Variants in LRRN3 observed in about 807,000 individuals in gnomAD.
LRRN3 encodes the protein leucine rich repeat neuronal 3, also known as leucine-rich repeat neuronal protein 3.
LRRN3 carries 15 observed loss-of-function variants against 40.1 expected under a neutral mutation model. The ratio of observed to expected loss-of-function variants is 0.37; its 90% CI spans 0.25 to 0.58. The LOEUF is 0.58. LRRN3 is among the 20% of genes least tolerant of loss of function. LRRN3 has a pLI of 0.72. For missense variants in LRRN3, 746 were observed against 837.7 expected, an observed-to-expected ratio of 0.89 and a Z score of 1.35; for synonymous variants, 308 against 297.2, an observed-to-expected ratio of 1.04 and a Z score of -0.37.
chr7:111,096,241 G>A (rs546085481), intron 1 of LRRN3, among the ~76,000 whole-genome samples: 1 of 151,984 alleles, frequency 6.6e-6, no homozygotes, highest in Admixed American at 6.6e-5. Context: ...GAGGTTCTGT[G>A]AGGTTAGAGA....
chr7:111,123,006 T>A lies in LRRN3; in HGVS notation c.234T>A (p.Thr78=), dbSNP rs1800838217. The A allele has an allele frequency of 6.2e-7, 1 of 1,613,958 alleles. No homozygotes were observed. Among genetic ancestry groups the A allele is most frequent in the Non-Finnish European group, 8.5e-7 (1 of 1,179,918 alleles). ...ACACACAGATTCTTCTCCTACAGAC[T>A]AACAATATTGCAAAAATTGAATACT... The part of the protein sequence containing the change: ...PANTQILLLQ[T]NNIAKIEYST... Residue 78 remains threonine (T), a synonymous_variant, in exon 3 of 3, where the codon ACT becomes ACA. Transcript: ENST00000308478. This position sits in a 1 kb window ranked among gnomAD's most constrained non-coding sequence, Gnocchi z 6.4.
chr7:111,111,947 T>TTG (rs1563254681), intron 2 of LRRN3, among the ~76,000 whole-genome samples: 1 of 131,280 alleles, frequency 7.6e-6, no homozygotes, highest in African/African-American at 2.9e-5. Flanking sequence ...AGTTTGTTTT[T>TTG]TTTTTTTTTT....
At chr7:111,118,211 T>C (rs532516775) in intron 2 of LRRN3, among the ~76,000 whole-genome samples, 1 of 152,236 alleles carries the variant, frequency 6.6e-6, no homozygotes, top group South Asian at 2.1e-4. Context: ...ATATTTTATC[T>C]TATTTATTGC....
chr7:111,123,719 C>T lies in LRRN3; in HGVS notation c.947C>T (p.Ala316Val), dbSNP rs1010466126. The part of the protein sequence containing the change: ...DNLPDLRKIE[A>V]TNNPRLSYIH... ...CTGCCAGATTTAAGAAAAATAGAAG[C>T]TACTAACAACCCTAGATTGTCTTAC... Residue 316 changes from alanine to valine, a missense_variant, in exon 3 of 3, where the codon GCT becomes GTT. By Grantham distance (64) the Ala-to-Val change is moderately conservative. Coordinates refer to ENST00000308478, the MANE Select transcript of LRRN3 (RefSeq NM_001099658.2). This position sits in a 1 kb window ranked among gnomAD's most constrained non-coding sequence, Gnocchi z 6.4. The T allele has an allele frequency of 6.2e-7, 1 of 1,613,732 alleles. No individual in the cohort carries two copies.
chr7:111,102,096 T>A (rs74545312), intron 2 of LRRN3, among the ~76,000 whole-genome samples: 11 of 149,522 alleles, frequency 7.4e-5, no homozygotes, highest in East Asian at 5.9e-4. Context: ...AAAAAAAAAA[T>A]GAGTCAGAAT....
chr7:111,123,497 C>G lies in LRRN3; in HGVS notation c.725C>G (p.Ser242Cys). ...LVGLENLESI[S>C]FYDNRLIKVP... ...GGACTGGAAAACTTAGAAAGCATCT[C>G]TTTTTACGATAACAGGCTTATTAAA... The change falls in exon 3 of 3, where the codon TCT (serine) becomes TGT (cysteine). Residue 242 changes from serine (S) to cysteine (C), a missense_variant. Physicochemically the swap from Ser to Cys is moderately radical, Grantham distance 112. Coordinates refer to ENST00000308478, the MANE Select transcript of LRRN3 (RefSeq NM_001099658.2). This position sits in a 1 kb window ranked among gnomAD's most constrained non-coding sequence, Gnocchi z 6.4. The G allele has an allele frequency of 6.2e-7, 1 of 1,613,836 alleles. No individual in the cohort carries two copies. The highest frequency in any genetic ancestry group is 1.7e-5 in the Admixed American group (1 of 59,934).
At chr7:111,101,305 A>T (rs1586267141) in intron 2 of LRRN3, among the ~76,000 whole-genome samples, 2 of 151,590 alleles carry the variant, frequency 1.3e-5, no homozygotes, top group East Asian at 3.9e-4. Context: ...ATTGAACAGA[A>T]CCTTGGCATA....
intron 2 of LRRN3, among the ~76,000 whole-genome samples, chr7:111,102,578 T>G (rs918873658): frequency 1.3e-5 from 2 of 151,594 alleles, no homozygotes; most frequent in Admixed American, 6.6e-5. Flanking sequence ...TTATTTTGTT[T>G]TGTTTAAATC....
At position 111,123,232 on chromosome 7, in the gene LRRN3, A is replaced by G. The variant is rs1160497243; in HGVS notation, c.460A>G (p.Thr154Ala). The G allele has an allele frequency of 3.7e-6, 6 of 1,613,882 alleles. No homozygotes were observed. The highest frequency in any genetic ancestry group is 3.3e-5 in the Admixed American group (2 of 59,934). The change falls in exon 3 of 3, where the codon ACA becomes GCA. Residue 154 changes from threonine (T) to alanine (A), a missense_variant. Transcript: ENST00000308478. The surrounding 1 kb of genome is among the most constrained non-coding windows in gnomAD (Gnocchi z 6.4). Reference protein sequence around the residue: ...ELYINHNLLSTISPGAFIGLH... With the variant: ...ELYINHNLLSAISPGAFIGLH... The stretch of plus-strand genomic sequence containing the variant: ...CTATATTAATCACAACTTGCTTTCT[A>G]CAATTTCACCTGGAGCCTTTATTGG...
At chr7:111,105,812 A>C (rs1208975633) in intron 2 of LRRN3, among the ~76,000 whole-genome samples, 1 of 151,958 alleles carries the variant, frequency 6.6e-6, no homozygotes, top group East Asian at 1.9e-4. Flanking sequence ...GCCTATATCT[A>C]GTCACATGAA....
chr7:111,111,342 T>C (rs1361461923), intron 2 of LRRN3, among the ~76,000 whole-genome samples: 1 of 143,558 alleles, frequency 7.0e-6, no homozygotes, highest in Non-Finnish European at 1.5e-5. Flanking sequence ...AGCAAGGGCC[T>C]ACATTGCCCA....
intron 1 of LRRN3, among the ~76,000 whole-genome samples, chr7:111,098,826 C>A (rs1797671843): frequency 6.6e-6 from 1 of 151,700 alleles, no homozygotes; most frequent in Non-Finnish European, 1.5e-5. Flanking sequence ...AGCCTTTGTG[C>A]ATGAGGCAAC....
chr7:111,101,768 A>T (rs769680482), intron 2 of LRRN3, among the ~76,000 whole-genome samples: 1 of 151,486 alleles, frequency 6.6e-6, no homozygotes, highest in African/African-American at 2.4e-5. Context: ...GGACATTCAA[A>T]GTAAATAGTC....
At chr7:111,115,288 G>T (rs1397861533) in intron 2 of LRRN3, among the ~76,000 whole-genome samples, 4 of 151,446 alleles carry the variant, frequency 2.6e-5, no homozygotes, top group Non-Finnish European at 3.0e-5. Flanking sequence ...AGCATCAAGA[G>T]ACAAGTTATG....
Position 111,109,133 on chromosome 7 carries a change from A to T in LRRN3, c.-359+9171A>T, listed in dbSNP as rs529444119. 1.7e-4 allele frequency among the ~76,000 whole-genome samples: 26 copies of T among 152,322 alleles called. No homozygotes were observed. The South Asian group carries it at 5.0e-3, about 29-fold the overall frequency. ...AAGTAAGGTGGTCCGTAAATAAGGTATTATCAAGAAGAATTAAAGACCAAA... is the reference window on the plus strand; with the variant it reads ...AAGTAAGGTGGTCCGTAAATAAGGTTTTATCAAGAAGAATTAAAGACCAAA... On this transcript the variant is annotated intron_variant, in intron 2 of 2. Coordinates refer to ENST00000308478, the MANE Select transcript of LRRN3 (RefSeq NM_001099658.2).
intron 2 of LRRN3, among the ~76,000 whole-genome samples, chr7:111,120,392 C>T (rs1800445889): frequency 6.6e-6 from 1 of 152,004 alleles, no homozygotes; most frequent in Non-Finnish European, 1.5e-5. Flanking sequence ...AGACATTTCC[C>T]CTATAAAAAC....
Position 111,108,331 on chromosome 7 carries a change from T to A in LRRN3, c.-359+8369T>A, listed in dbSNP as rs970506718. On this transcript the variant is annotated intron_variant, in intron 2 of 2. Coordinates refer to ENST00000308478, the MANE Select transcript of LRRN3 (RefSeq NM_001099658.2). ...CAGCTTTTTACATTAATTCTGAAAG[T>A]CTGTGGCACTTTCAATCATTAAGAA... Among the ~76,000 whole-genome samples, 4 of 152,178 alleles carry A rather than the reference T, an allele frequency of 2.6e-5. No homozygotes were observed. In the South Asian group the frequency reaches 6.2e-4, roughly 24 times the overall value.
rs150280445 is a variant in LRRN3, at chr7:111,111,123, T to C, written c.-359+11161T>C. Among the ~76,000 whole-genome samples the C allele has an allele frequency of 3.4e-3, 523 of 152,194 alleles. 2 individuals are homozygous for C. Among genetic ancestry groups the C allele is most frequent in the African/African-American group, 0.012 (497 of 41,516 alleles). Reference sequence around the variant, plus strand: ...ACTTAGCTTTCACCTAATCCACATATGAGATGAATACCAGGCTTCTAAGAG... The same window carrying C: ...ACTTAGCTTTCACCTAATCCACATACGAGATGAATACCAGGCTTCTAAGAG... On this transcript the variant is annotated intron_variant, in intron 2 of 2. Transcript: ENST00000308478.
chr7:111,092,352 C>CTGCT (rs1400957035), intron 1 of LRRN3, among the ~76,000 whole-genome samples: 1 of 152,198 alleles, frequency 6.6e-6, no homozygotes, highest in African/African-American at 2.4e-5. Flanking sequence ...TTCTAACCAA[C>CTGCT]TGCTATATTC....
Sources: gnomAD v4.1 joint callset for allele counts (sites outside exome capture counted in the v4.1 genomes callset) on GRCh38, gnomAD v4.1.1 for gene constraint, Gnocchi (gnomAD v3.1) non-coding constraint, MANE v1.5 for transcripts, NCBI Gene and HGNC (gene_info 2026-07-23, HGNC 2026-07-21) for gene names.